Variants in PTPRS observed in about 807,000 individuals in gnomAD.
PTPRS encodes the protein protein tyrosine phosphatase receptor type S, also known as receptor-type tyrosine-protein phosphatase S.
PTPRS carries 63 observed loss-of-function variants against 215.3 expected under a neutral mutation model. That is an observed-to-expected ratio of 0.29 (90% CI 0.24 to 0.36). The LOEUF is 0.36. Ranked by LOEUF, PTPRS falls within the 10% of genes least tolerant of loss-of-function variation. PTPRS has a pLI of 1.00. For synonymous variants in PTPRS, 1,404 were observed against 1,191.4 expected (o/e 1.18, Z -3.68); for missense variants, 2,258 against 2,825.8 (o/e 0.80, Z 4.56).
At chr19:5,305,173 G>A (rs2049439300) in intron 1 of PTPRS, among the ~76,000 whole-genome samples, 1 of 152,204 alleles carries the variant, frequency 6.6e-6, no homozygotes, top group South Asian at 2.1e-4. Context: ...TGGGCATACA[G>A]CAGGTGCTCA....
chr19:5,237,703 C>T lies in PTPRS; in HGVS notation c.1849+1216G>A, dbSNP rs2043593034. On this transcript the variant is annotated intron_variant, in intron 13 of 37. Transcript: ENST00000262963. This position sits in a 1 kb window ranked among gnomAD's most constrained non-coding sequence, Gnocchi z 4.2. The stretch of plus-strand genomic sequence containing the variant: ...GACCAGCGTGTACTCACCTTCAGGA[C>T]ACCTCAGCCAGTCTCTCAGGTGGCT... Among the ~76,000 whole-genome samples the T allele has an allele frequency of 6.6e-6, 1 of 152,146 alleles. No homozygotes were observed. Among genetic ancestry groups the T allele is most frequent in the Admixed American group, 6.5e-5 (1 of 15,288 alleles).
intron 25 of PTPRS, among the ~76,000 whole-genome samples, chr19:5,217,858 A>G (rs1211739477): frequency 6.6e-6 from 1 of 152,222 alleles, no homozygotes; most frequent in Non-Finnish European, 1.5e-5. Context: ...GAAAATGATC[A>G]AGGATAAGGC....
At chr19:5,259,549 G>T (rs1183245432) in intron 7 of PTPRS, among the ~76,000 whole-genome samples, 1 of 152,152 alleles carries the variant, frequency 6.6e-6, no homozygotes, top group Non-Finnish European at 1.5e-5. Flanking sequence ...GTTTCCACAC[G>T]TATGTTTGTA....
chr19:5,225,871 G>C (rs753293982), intron 16 of PTPRS, 27 bp from the exon 17 acceptor site: 6 of 1,592,012 alleles, frequency 3.8e-6, no homozygotes, highest in Admixed American at 3.3e-5. Flanking sequence ...GGGTCAGCAC[G>C]ACGGCTGGGG....
chr19:5,279,442 G>T lies in PTPRS; in HGVS notation c.92-5098C>A, dbSNP rs7257493. Among the ~76,000 whole-genome samples the T allele has an allele frequency of 8.3e-3, 1,263 of 151,616 alleles. 21 individuals carry two copies. Among genetic ancestry groups the T allele is most frequent in the African/African-American group, 0.03 (1,220 of 41,322 alleles). ...GCTGGAGTGCGGTGGTGCAATCATAGCTCACTGCAGCCTCAAACTCCTGGG... is the reference window on the plus strand; with the variant it reads ...GCTGGAGTGCGGTGGTGCAATCATATCTCACTGCAGCCTCAAACTCCTGGG... On this transcript the variant is annotated intron_variant, in intron 2 of 37. Coordinates refer to ENST00000262963, the MANE Select transcript of PTPRS (RefSeq NM_002850.4).
In PTPRS at chr19:5,222,873, A is replaced by C. The variant is rs764156737; in HGVS notation, c.2919T>G (p.Gly973=). ...VKYTVAVREA[G]ALGPARETEL... ...CAGTCTCTCGGGCAGGGCCCAGGGC[A>C]CCGGCCTCCCGCACGGCCACCGTGT... is the stretch of plus-strand genomic sequence containing the variant. The change falls in exon 18 of 38, where the codon GGT becomes GGG. Residue 973 remains glycine (G), a synonymous_variant. Coordinates refer to ENST00000262963, the MANE Select transcript of PTPRS (RefSeq NM_002850.4). 6.3e-7 allele frequency: 1 copy of C among 1,582,622 alleles called. No homozygotes were observed.
intron 4 of PTPRS, among the ~76,000 whole-genome samples, chr19:5,267,077 C>G (rs1482480068): frequency 6.6e-6 from 1 of 152,212 alleles, no homozygotes; most frequent in African/African-American, 2.4e-5. Context: ...GAACAAACAA[C>G]TCAATCCTGG....
At chr19:5,214,227 G>A in intron 30 of PTPRS, 134 bp downstream of exon 30, 1 of 1,275,718 alleles carries the variant, frequency 7.8e-7, no homozygotes, top group Non-Finnish European at 1.1e-6. Context: ...CCATGAGAAT[G>A]TAGTCAGCCT....
At chr19:5,311,950 G>C (rs767517472) in intron 1 of PTPRS, among the ~76,000 whole-genome samples, 2 of 152,108 alleles carry the variant, frequency 1.3e-5, no homozygotes, top group African/African-American at 2.4e-5. Context: ...TGAGGCAGGA[G>C]AATGGCGTGA....
At chr19:5,223,786 T>G (rs112032463) in intron 17 of PTPRS, among the ~76,000 whole-genome samples, 10,536 of 150,930 alleles carry the variant, frequency 0.07, 401 homozygotes, top group Non-Finnish European at 0.082. Flanking sequence ...GGTCTTGAAC[T>G]CCTGACCTCA....
At chr19:5,220,921 A>C in intron 20 of PTPRS, 79 bp downstream of exon 20, 1 of 1,488,732 alleles carries the variant, frequency 6.7e-7, no homozygotes, top group Non-Finnish European at 9.1e-7. Flanking sequence ...TGAGGCACAG[A>C]GAGGGCACGT....
At chr19:5,223,956 A>C (rs2042245687) in intron 17 of PTPRS, among the ~76,000 whole-genome samples, 1 of 151,772 alleles carries the variant, frequency 6.6e-6, no homozygotes, top group African/African-American at 2.4e-5. Context: ...AGATGGGCAG[A>C]TCATTTCAGG....
rs1461604003 is a variant in PTPRS at position 5,301,838 on chromosome 19, C to T, written c.-94-15604G>A. ...CTCTGTCGCTCAGGCTGGAGTGTAG[C>T]GCGGCAATCTCAGCTCACTGCAACC... On this transcript the variant is annotated intron_variant, in intron 1 of 37. Coordinates refer to ENST00000262963, the MANE Select transcript of PTPRS (RefSeq NM_002850.4). Among the ~76,000 whole-genome samples the T allele has an allele frequency of 2.0e-5, 3 of 152,144 alleles. 1 individual carries two copies. The highest frequency in any genetic ancestry group is 4.2e-4 in the South Asian group (2 of 4,816).
At position 5,244,003 on chromosome 19, in the gene PTPRS, T is replaced by C. The variant is rs2044268287; in HGVS notation, c.1468A>G (p.Ser490Gly). Reference sequence around the variant, plus strand: ...GTGTAGGTCTCGTCCTCCAGCAGGCTGCCCACGGTGGTCAGCAGGCTGTCG... The same window carrying C: ...GTGTAGGTCTCGTCCTCCAGCAGGCCGCCCACGGTGGTCAGCAGGCTGTCG... ...VDDSLLTTVGSLLEDETYTVR... is the reference protein window; with the variant it reads ...VDDSLLTTVGGLLEDETYTVR... Residue 490 changes from serine to glycine, a missense_variant, in exon 11 of 38, where the codon AGC (serine) becomes GGC (glycine). Transcript: ENST00000262963. The surrounding 1 kb of genome is among the most constrained non-coding windows in gnomAD (Gnocchi z 7.2). 2 of 1,429,868 alleles carry C rather than the reference T, an allele frequency of 1.4e-6. No individual in the cohort carries two copies. The highest frequency in any genetic ancestry group is 1.6e-5 in the African/African-American group (1 of 63,892). 88.6% of individuals were successfully genotyped at this position (1,429,868 alleles called of 1,614,324 possible). A position where few individuals can be genotyped will look rare whatever the true frequency, so the allele number is the denominator to read the frequency against.
intron 13 of PTPRS, among the ~76,000 whole-genome samples, chr19:5,235,373 C>A (rs1182404712): frequency 6.6e-6 from 1 of 152,188 alleles, no homozygotes; most frequent in African/African-American, 2.4e-5. Context: ...AGTAATAGTT[C>A]TTATTGAGCA....
chr19:5,217,846 A>T (rs1194869464), intron 25 of PTPRS, among the ~76,000 whole-genome samples: 1 of 152,240 alleles, frequency 6.6e-6, no homozygotes. Flanking sequence ...TGAATCATAC[A>T]TGAAAATGAT....
At position 5,265,325 on chromosome 19, in the gene PTPRS, T is replaced by TA; in HGVS notation, c.380-130_380-129insT. The TA allele has an allele frequency of 3.8e-6, 3 of 789,008 alleles. No homozygotes were observed. The South Asian group carries it at 5.5e-5, about 14-fold the overall frequency. The allele number at this position is 789,008 out of a possible 1,614,324, so 48.9% of individuals were successfully genotyped here. ...CTGGCTGCGTGACCTCAGCCATGGG[T>TA]GCCATCCTTTACAGCCAGTTCTCTC... On this transcript the variant is annotated intron_variant, in intron 4 of 37. Coordinates refer to ENST00000262963, the MANE Select transcript of PTPRS (RefSeq NM_002850.4).
chr19:5,240,083 A>T (rs557317727), intron 12 of PTPRS, 116 bp downstream of exon 12: 9 of 1,225,380 alleles, frequency 7.3e-6, no homozygotes, highest in Non-Finnish European at 9.6e-6. Flanking sequence ...GGGGTGAGGA[A>T]GAGCAGAATC....
At chr19:5,250,498 G>A (rs2044908134) in intron 9 of PTPRS, among the ~76,000 whole-genome samples, 1 of 152,084 alleles carries the variant, frequency 6.6e-6, no homozygotes. Context: ...CCCAATTACC[G>A]ACCTGAATGG....
Sources: allele counts gnomAD v4.1 joint callset (sites outside exome capture counted in the v4.1 genomes callset), GRCh38; gene constraint gnomAD v4.1.1; non-coding constraint Gnocchi (gnomAD v3.1); transcripts MANE v1.5; gene names NCBI Gene and HGNC (gene_info 2026-07-23, HGNC 2026-07-21).